UHRF2: variants seen among roughly 807,000 people sequenced by gnomAD.
UHRF2 encodes E3 ubiquitin-protein ligase UHRF2.
In UHRF2, 23 loss-of-function variants were observed where a neutral mutation model predicts 96.8. The ratio of observed to expected loss-of-function variants is 0.24; its 90% CI spans 0.17 to 0.34. UHRF2 has a LOEUF of 0.34. Among genes scored for constraint, UHRF2 ranks in the 10% least tolerant of loss-of-function variants. UHRF2 has a pLI of 1.00. For missense variants in UHRF2, 685 were observed against 981.5 expected, an observed-to-expected ratio of 0.70 and a Z score of 4.04; for synonymous variants, 385 against 332.6, an observed-to-expected ratio of 1.16 and a Z score of -1.72.
intron 9 of UHRF2, among the ~76,000 whole-genome samples, chr9:6,493,045 C>T (rs1824759530): frequency 6.6e-6 from 1 of 152,088 alleles, no homozygotes. Flanking sequence ...TGCCTGTAAT[C>T]CCAGCACTTT....
chr9:6,442,005 G>T (rs1027365589), intron 3 of UHRF2, among the ~76,000 whole-genome samples: 4 of 152,058 alleles, frequency 2.6e-5, no homozygotes, highest in African/African-American at 9.7e-5. Context: ...TTGCTCTGTT[G>T]CCCAGGCTGG....
intron 3 of UHRF2, among the ~76,000 whole-genome samples, chr9:6,441,466 C>G (rs898912081): frequency 1.3e-5 from 2 of 151,894 alleles, no homozygotes; most frequent in Admixed American, 1.3e-4. Flanking sequence ...TGAATCAGTC[C>G]TGGAGTTGGC....
chr9:6,488,920 C>G (rs548824584), intron 9 of UHRF2, among the ~76,000 whole-genome samples: 1 of 151,934 alleles, frequency 6.6e-6, no homozygotes, highest in Non-Finnish European at 1.5e-5. Flanking sequence ...TCAAGTGATT[C>G]TCCTGGTGCA....
chr9:6,500,503 G>T lies in UHRF2; in HGVS notation c.2006-49G>T, dbSNP rs2130969751. 4 of 1,554,138 alleles carry T rather than the reference G, an allele frequency of 2.6e-6. No homozygotes were observed. The East Asian group carries it at 6.8e-5, about 26-fold the overall frequency. On this transcript the variant is annotated intron_variant, in intron 13 of 15. Transcript: ENST00000276893. ...GTTAACTCTTTTGTTTCATAGTTCT[G>T]CTTAGAACCACTTGTAAGTCTGCTG...
chr9:6,497,841 T>C (rs75319247), intron 11 of UHRF2, among the ~76,000 whole-genome samples, 177 bp from the exon 12 acceptor site: 1 of 152,328 alleles, frequency 6.6e-6, no homozygotes, highest in African/African-American at 2.4e-5. Flanking sequence ...GGAAGTACTG[T>C]AATAGGAATT....
chr9:6,482,121 G>C (rs757436284), intron 8 of UHRF2, 22 bp downstream of exon 8: 3 of 1,588,006 alleles, frequency 1.9e-6, no homozygotes, highest in Non-Finnish European at 2.6e-6. Context: ...CTTGGGCTTA[G>C]TTGAAAGGGG....
At chr9:6,491,181 G>C (rs1274270006) in intron 9 of UHRF2, among the ~76,000 whole-genome samples, 1 of 152,222 alleles carries the variant, frequency 6.6e-6, no homozygotes, top group African/African-American at 2.4e-5. Flanking sequence ...GTTGTCTTGA[G>C]AAGTAGTTTG....
intron 1 of UHRF2, among the ~76,000 whole-genome samples, chr9:6,420,161 A>G (rs1372387044): frequency 4.0e-5 from 6 of 151,100 alleles, no homozygotes; most frequent in Non-Finnish European, 7.4e-5. Context: ...AGTTCAAGAG[A>G]TTCTCTTGCC....
intron 1 of UHRF2, among the ~76,000 whole-genome samples, chr9:6,416,413 C>A (rs1006065723): frequency 1.3e-5 from 2 of 151,648 alleles, no homozygotes; most frequent in African/African-American, 4.8e-5. Context: ...CAATTCAGGG[C>A]TATAAGTTTT....
intron 14 of UHRF2, among the ~76,000 whole-genome samples, chr9:6,502,535 G>A (rs1345139111): frequency 5.9e-5 from 9 of 152,260 alleles, no homozygotes; most frequent in South Asian, 2.1e-4. Context: ...CAATCCTCCC[G>A]CTTCAGCCTC....
intron 3 of UHRF2, among the ~76,000 whole-genome samples, chr9:6,454,129 G>A (rs1458907761): frequency 6.6e-6 from 1 of 152,130 alleles, no homozygotes; most frequent in East Asian, 1.9e-4. Context: ...TACGTTTTAC[G>A]GGTTAGGAAT....
intron 3 of UHRF2, 32 bp downstream of exon 3, chr9:6,434,205 A>G (rs1820705599): frequency 6.4e-7 from 1 of 1,570,220 alleles, no homozygotes; most frequent in Non-Finnish European, 8.6e-7. Context: ...GACTTTATTC[A>G]TATTTTCATT....
chr9:6,443,211 C>T (rs1821284949), intron 3 of UHRF2, among the ~76,000 whole-genome samples: 2 of 152,116 alleles, frequency 1.3e-5, no homozygotes. Context: ...CGCCAGGAGC[C>T]TTTTCATAGT....
At chr9:6,432,175 C>G (rs1335550098) in intron 2 of UHRF2, among the ~76,000 whole-genome samples, 1 of 152,074 alleles carries the variant, frequency 6.6e-6, no homozygotes, top group Non-Finnish European at 1.5e-5. Flanking sequence ...ATGGTTGGCT[C>G]TTAGGTTTTT....
intron 13 of UHRF2, among the ~76,000 whole-genome samples, chr9:6,500,180 C>T (rs1816211002): frequency 6.6e-6 from 1 of 152,106 alleles, no homozygotes; most frequent in Non-Finnish European, 1.5e-5. Context: ...GTTGCCCAAG[C>T]TGGTCTTGAA....
intron 2 of UHRF2, among the ~76,000 whole-genome samples, chr9:6,432,863 C>T (rs1820633509): frequency 2.0e-5 from 3 of 150,222 alleles, no homozygotes; most frequent in Admixed American, 2.0e-4. Flanking sequence ...CTTTTTGAGA[C>T]AGAGTCTTGC....
intron 3 of UHRF2, among the ~76,000 whole-genome samples, chr9:6,444,914 T>C (rs1302154898): frequency 6.6e-6 from 1 of 151,990 alleles, no homozygotes; most frequent in Non-Finnish European, 1.5e-5. Flanking sequence ...GGAATCTGCT[T>C]TTCAAAGAGG....
chr9:6,427,006 C>G (rs1252816718), intron 2 of UHRF2, among the ~76,000 whole-genome samples: 2 of 152,162 alleles, frequency 1.3e-5, no homozygotes, highest in African/African-American at 4.8e-5. Context: ...CCTCGGCCTC[C>G]CAAAGTGCTG....
chr9:6,434,184 A>C lies in UHRF2; in HGVS notation c.644+11A>C, dbSNP rs1283600849. ...TATCCAGTATGATGAGTAAGTGCTCAAGCTATTGAGGACTTTATTCATATT... is the reference window on the plus strand; with the variant it reads ...TATCCAGTATGATGAGTAAGTGCTCCAGCTATTGAGGACTTTATTCATATT... On this transcript the variant is annotated intron_variant, in intron 3 of 15. Transcript: ENST00000276893. 3.1e-6 allele frequency: 5 copies of C among 1,605,570 alleles called. No individual in the cohort carries two copies. The highest frequency in any genetic ancestry group is 4.3e-6 in the Non-Finnish European group (5 of 1,174,548).
Sources: gnomAD v4.1 joint callset for allele counts (sites outside exome capture counted in the v4.1 genomes callset) on GRCh38, gnomAD v4.1.1 for gene constraint, MANE v1.5 for transcripts, NCBI Gene and HGNC (gene_info 2026-07-23, HGNC 2026-07-21) for gene names.